Variants in FAM13B observed in about 807,000 individuals in gnomAD.
FAM13B encodes the protein protein FAM13B.
A neutral mutation model predicts 117.3 loss-of-function variants in FAM13B; 60 were observed. The observed-to-expected ratio is 0.51, with a 90% CI of 0.42 to 0.63. FAM13B has a LOEUF of 0.63. FAM13B is among the 30% of genes least tolerant of loss of function. FAM13B has a pLI of 0.00. For missense variants in FAM13B, 972 were observed against 1,091.9 expected, an observed-to-expected ratio of 0.89 and a Z score of 1.55; for synonymous variants, 332 against 356.1, an observed-to-expected ratio of 0.93 and a Z score of 0.76.
At chr5:137,982,296 T>C (rs959158247) in intron 10 of FAM13B, among the ~76,000 whole-genome samples, 1 of 152,172 alleles carries the variant, frequency 6.6e-6, no homozygotes, top group Non-Finnish European at 1.5e-5. Context: ...CTCAGGCCTA[T>C]AATCCCAGCA....
chr5:137,978,241 C>T (rs1581154762), intron 10 of FAM13B, among the ~76,000 whole-genome samples: 1 of 151,832 alleles, frequency 6.6e-6, no homozygotes, highest in East Asian at 1.9e-4. Flanking sequence ...GAAGAAACCC[C>T]CAGTAAGAAT....
At chr5:137,985,150 G>A (rs928404340) in intron 10 of FAM13B, 107 bp downstream of exon 10, 1 of 1,080,874 alleles carries the variant, frequency 9.3e-7, no homozygotes, top group African/African-American at 1.6e-5. Context: ...TTATAATTGA[G>A]ACAATTAAGT....
intron 7 of FAM13B, among the ~76,000 whole-genome samples, chr5:137,992,614 A>T (rs1778899143): frequency 6.6e-6 from 1 of 152,164 alleles, no homozygotes; most frequent in South Asian, 2.1e-4. Flanking sequence ...AAAATAAAAA[A>T]AAACCTCCAA....
intron 10 of FAM13B, 52 bp from the exon 11 acceptor site, chr5:137,962,521 AG>A (rs772342349): frequency 2.6e-6 from 4 of 1,530,538 alleles, no homozygotes; most frequent in Non-Finnish European, 3.6e-6. Context: ...TACTCAGATA[AG>A]AGAAGTTGCC....
In FAM13B at chr5:137,985,321, C is replaced by T; in HGVS notation, c.1115G>A (p.Ser372Asn). ...CATAGCTTCATTGTCTAAATTAGTG[C>T]TAGCCACAGGTTTTGAACAGTCTCT... is the stretch of plus-strand genomic sequence containing the variant. The part of the protein sequence containing the change: ...SNRDCSKPVA[S>N]TNLDNEAMQQ... Residue 372 changes from serine (S) to asparagine (N), a missense_variant, in exon 10 of 24, where the codon AGC (serine) becomes AAC (asparagine). By Grantham distance (46) the Ser-to-Asn change is conservative (BLOSUM62 1). Transcript: ENST00000689681. The T allele has an allele frequency of 6.2e-7, 1 of 1,613,848 alleles. No individual in the cohort carries two copies. Among genetic ancestry groups the T allele is most frequent in the Non-Finnish European group, 8.5e-7 (1 of 1,179,858 alleles).
chr5:138,033,087 G>C (rs1218566003), upstream of FAM13B: 1 of 985,596 alleles, frequency 1.0e-6, no homozygotes, highest in African/African-American at 1.7e-5. Context: ...GCTGGCGGGC[G>C]GAGGCCGGGC....
upstream of FAM13B, among the ~76,000 whole-genome samples, chr5:138,036,036 G>A (rs2151116677): frequency 6.6e-6 from 1 of 152,244 alleles, no homozygotes; most frequent in South Asian, 2.1e-4. Context: ...TCTCTGTAAA[G>A]GCCCTGTCAG....
chr5:137,952,745 G>A (rs749977343), intron 16 of FAM13B, 36 bp from the exon 17 acceptor site: 6 of 1,244,322 alleles, frequency 4.8e-6, no homozygotes, highest in Admixed American at 1.9e-5. Context: ...TGACACTTGT[G>A]ATAAGCAATA....
In FAM13B at chr5:137,985,340, A is replaced by C. The variant is rs754365820; in HGVS notation, c.1096T>G (p.Cys366Gly). ...TTAGTGCTAGCCACAGGTTTTGAAC[A>C]GTCTCTGTTACTTTCACTGGCATTA... The part of the protein sequence containing the change: ...IINASESNRD[C>G]SKPVASTNLD... Residue 366 changes from cysteine (C) to glycine (G), a missense_variant, in exon 10 of 24, where the codon TGT (cysteine) becomes GGT (glycine). By Grantham distance (159) the Cys-to-Gly change is radical. Coordinates refer to ENST00000689681, the MANE Select transcript of FAM13B (RefSeq NM_001385994.1). 6.8e-6 allele frequency: 11 copies of C among 1,613,764 alleles called. No individual in the cohort carries two copies. The highest frequency in any genetic ancestry group is 5.3e-5 in the African/African-American group (4 of 74,938).
rs936466785 is a variant in FAM13B, at chr5:138,028,258, C to T, written c.-203+4524G>A. On this transcript the variant is annotated intron_variant, in intron 1 of 23. Coordinates refer to ENST00000689681, the MANE Select transcript of FAM13B (RefSeq NM_001385994.1). ...GAGTAGAAGCTATTTCTTGCAACAA[C>T]GTGGGAAATATTAATATACCTTTTC... Among the ~76,000 whole-genome samples, 14 of 152,230 alleles carry T rather than the reference C, an allele frequency of 9.2e-5. No individual in the cohort carries two copies. The South Asian group carries it at 1.2e-3, about 14-fold the overall frequency.
In FAM13B at chr5:137,946,073, C is replaced by T. The variant is rs1209423475; in HGVS notation, c.2245-76G>A. 87 of 1,354,660 alleles carry T rather than the reference C, an allele frequency of 6.4e-5. No individual in the cohort carries two copies. In the South Asian group the frequency reaches 7.1e-4, roughly 11 times the overall value. 83.9% of individuals were successfully genotyped at this position (1,354,660 alleles called of 1,614,324 possible). On this transcript the variant is annotated intron_variant, in intron 19 of 23. Coordinates refer to ENST00000689681, the MANE Select transcript of FAM13B (RefSeq NM_001385994.1). Reference sequence around the variant, plus strand: ...CCAAAACATTAAACAATGACTTATTCGCCCAATTTCAAATTTTATATTAAA... The same window carrying T: ...CCAAAACATTAAACAATGACTTATTTGCCCAATTTCAAATTTTATATTAAA...
At chr5:137,979,559 A>T (rs1775050497) in intron 10 of FAM13B, among the ~76,000 whole-genome samples, 1 of 152,228 alleles carries the variant, frequency 6.6e-6, no homozygotes, top group South Asian at 2.1e-4. Context: ...CCAATATTCC[A>T]GAATTATCTT....
chr5:137,973,814 C>T (rs1159892725), intron 10 of FAM13B, among the ~76,000 whole-genome samples: 2 of 135,138 alleles, frequency 1.5e-5, no homozygotes, highest in African/African-American at 2.8e-5. Context: ...AGACACTTCT[C>T]AAAAGAAGAC....
intron 7 of FAM13B, among the ~76,000 whole-genome samples, chr5:137,991,756 CAT>C (rs1185418386): frequency 6.6e-5 from 10 of 152,172 alleles, no homozygotes; most frequent in African/African-American, 2.2e-4. Flanking sequence ...CAACCTCACA[CAT>C]GAGAGATAAA....
Position 137,985,388 on chromosome 5 carries a change from T to C in FAM13B, c.1048A>G (p.Ile350Val). The change falls in exon 10 of 24, where the codon ATT becomes GTT. Residue 350 changes from isoleucine to valine, a missense_variant and splice_region_variant. Ile to Val is a conservative substitution (Grantham distance 29). Coordinates refer to ENST00000689681, the MANE Select transcript of FAM13B (RefSeq NM_001385994.1). The part of the protein sequence containing the change: ...HCDGEGSNNQ[I>V]DIADDIINAS... The stretch of plus-strand genomic sequence containing the variant: ...TTAATAATATCATCAGCAATATCAA[T>C]CCTAGGGATGAAGTTTAAAAATCAG... 6.2e-7 allele frequency: 1 copy of C among 1,613,068 alleles called. No individual in the cohort carries two copies. The highest frequency in any genetic ancestry group is 8.5e-7 in the Non-Finnish European group (1 of 1,179,686).
At chr5:137,948,924 A>T in intron 18 of FAM13B, 31 bp downstream of exon 18, 1 of 1,560,926 alleles carries the variant, frequency 6.4e-7, no homozygotes, top group Non-Finnish European at 8.8e-7. Context: ...TCTAAAGGCT[A>T]ATCTGGGCAA....
Position 138,007,039 on chromosome 5 carries a change from A to T in FAM13B, c.799T>A (p.Leu267Ile). Residue 267 changes from leucine to isoleucine, a missense_variant, in exon 7 of 24, where the codon TTA becomes ATA. Coordinates refer to ENST00000689681, the MANE Select transcript of FAM13B (RefSeq NM_001385994.1). ...KSNDMPEVVQ[L>I]RMTENILESN... ...TCCAGGATGTTTTCAGTCATCCTTA[A>T]TTGTACCACCTCTGGCATGTCATTT... 1 of 1,613,254 alleles carries T rather than the reference A, an allele frequency of 6.2e-7. No homozygotes were observed. The highest frequency in any genetic ancestry group is 8.5e-7 in the Non-Finnish European group (1 of 1,179,798).
At chr5:138,040,659 G>A (rs1337241452) in intron 1 of FAM13B, among the ~76,000 whole-genome samples, 1 of 152,108 alleles carries the variant, frequency 6.6e-6, no homozygotes, top group Non-Finnish European at 1.5e-5. Context: ...CAGAATTGAA[G>A]GTAAATATCC....
chr5:138,010,852 G>C (rs868280982), intron 6 of FAM13B, among the ~76,000 whole-genome samples, 156 bp downstream of exon 6: 2 of 149,430 alleles, frequency 1.3e-5, no homozygotes, highest in Non-Finnish European at 1.5e-5. Flanking sequence ...AAAAAATCAT[G>C]AATGTGCCAC....
Sources: allele counts gnomAD v4.1 joint callset (sites outside exome capture counted in the v4.1 genomes callset), GRCh38; gene constraint gnomAD v4.1.1; transcripts MANE v1.5; gene names NCBI Gene and HGNC (gene_info 2026-07-23, HGNC 2026-07-21).